ZFPM2: variants seen among roughly 807,000 people sequenced by gnomAD.
ZFPM2 encodes the protein zinc finger protein, FOG family member 2.
ZFPM2 carries 20 observed loss-of-function variants against 98.6 expected under a neutral mutation model. That is an observed-to-expected ratio of 0.20 (90% confidence interval 0.14 to 0.29). The LOEUF is 0.29. Ranked by LOEUF, ZFPM2 falls within the 10% of genes least tolerant of loss-of-function variation. ZFPM2 has a pLI of 1.00. For missense variants in ZFPM2, 1,310 were observed against 1,388.6 expected (o/e 0.94, Z 0.90); for synonymous variants, 518 against 502.7 (o/e 1.03, Z -0.41).
At chr8:105,647,989 C>T (rs1469440231) in intron 5 of ZFPM2, among the ~76,000 whole-genome samples, 3 of 152,142 alleles carry the variant, frequency 2.0e-5, no homozygotes, top group Non-Finnish European at 4.4e-5. Context: ...TTTAGAGTCC[C>T]ACCAACAGTG....
At chr8:105,600,044 T>A (rs1379562919) in intron 4 of ZFPM2, among the ~76,000 whole-genome samples, 1 of 152,116 alleles carries the variant, frequency 6.6e-6, no homozygotes, top group East Asian at 1.9e-4. Context: ...AAATATTGAT[T>A]TTCATTTTAT....
Position 105,802,838 on chromosome 8 carries a change from A to T in ZFPM2, c.2756A>T (p.Asn919Ile). ...AGAAGCATAATAAAATGTGAGAAAA[A>T]TGGGAATTTGAAGCAGCCTTCCCCC... Reference protein sequence around the residue: ...YERSIIKCEKNGNLKQPSPNG... With the variant: ...YERSIIKCEKIGNLKQPSPNG... Residue 919 changes from asparagine (N) to isoleucine (I), a missense_variant, in exon 8 of 8, where the codon AAT becomes ATT. Asn to Ile is a moderately radical substitution (Grantham distance 149, BLOSUM62 -3). Coordinates refer to ENST00000407775, the MANE Select transcript of ZFPM2 (RefSeq NM_012082.4). 1 of 1,613,758 alleles carries T rather than the reference A, an allele frequency of 6.2e-7. No homozygotes were observed. The highest frequency in any genetic ancestry group is 8.5e-7 in the Non-Finnish European group (1 of 1,179,832).
intron 5 of ZFPM2, among the ~76,000 whole-genome samples, chr8:105,731,447 C>A (rs902933645): frequency 6.6e-6 from 1 of 151,528 alleles, no homozygotes; most frequent in Non-Finnish European, 1.5e-5. Context: ...AGAAATATTG[C>A]ATTGAATTGA....
chr8:105,409,163 G>C (rs1057089409), intron 1 of ZFPM2, among the ~76,000 whole-genome samples: 1 of 151,792 alleles, frequency 6.6e-6, no homozygotes, highest in African/African-American at 2.4e-5. Context: ...CCTCAAAAGA[G>C]GGGATGAAGA....
intron 5 of ZFPM2, among the ~76,000 whole-genome samples, chr8:105,697,356 C>G (rs1811043927): frequency 6.6e-6 from 1 of 152,164 alleles, no homozygotes; most frequent in Admixed American, 6.5e-5. Flanking sequence ...CTTTACTGAA[C>G]TAACAATTTC....
intron 5 of ZFPM2, among the ~76,000 whole-genome samples, chr8:105,675,293 C>G (rs1021517302): frequency 6.6e-6 from 1 of 152,054 alleles, no homozygotes; most frequent in Non-Finnish European, 1.5e-5. Context: ...CTTGTGCACC[C>G]AAGCCATTAG....
At chr8:105,590,925 G>T (rs1815829390) in intron 4 of ZFPM2, among the ~76,000 whole-genome samples, 2 of 152,088 alleles carry the variant, frequency 1.3e-5, no homozygotes. Flanking sequence ...TAGTAGTTTG[G>T]GACCTATCCA....
intron 4 of ZFPM2, among the ~76,000 whole-genome samples, chr8:105,608,587 T>G (rs868064829): frequency 1.1e-4 from 16 of 150,514 alleles, no homozygotes; most frequent in African/African-American, 3.4e-4. Context: ...AGAGTTTTTT[T>G]TTTTTTTTTT....
chr8:105,530,831 G>A (rs1180418995), intron 3 of ZFPM2, among the ~76,000 whole-genome samples: 5 of 152,152 alleles, frequency 3.3e-5, no homozygotes, highest in African/African-American at 1.2e-4. Flanking sequence ...AATGCAAGAT[G>A]CTGGACTAGG....
At chr8:105,332,367 A>G (rs1812249225) in intron 1 of ZFPM2, among the ~76,000 whole-genome samples, 1 of 151,768 alleles carries the variant, frequency 6.6e-6, no homozygotes, top group African/African-American at 2.4e-5. Flanking sequence ...CTAGAAAAAT[A>G]CCAGGCACAT....
At position 105,724,570 on chromosome 8, in the gene ZFPM2, G is replaced by T. The variant is rs996996537; in HGVS notation, c.533-64148G>T. On this transcript the variant is annotated intron_variant, in intron 5 of 7. Coordinates refer to ENST00000407775, the MANE Select transcript of ZFPM2 (RefSeq NM_012082.4). ...ACATGGAGATGATTAGCATCACATG[G>T]CATTTTAAGCAGATACTACCAACAC... Among the ~76,000 whole-genome samples the T allele has an allele frequency of 4.6e-5, 7 of 151,938 alleles. No homozygotes were observed. The East Asian group carries it at 7.8e-4, about 17-fold the overall frequency.
chr8:105,694,088 A>G (rs1810958813), intron 5 of ZFPM2, among the ~76,000 whole-genome samples: 1 of 144,604 alleles, frequency 6.9e-6, no homozygotes, highest in Non-Finnish European at 1.5e-5. Flanking sequence ...TCGGGTTCAC[A>G]CCATTCTCCT....
intron 5 of ZFPM2, among the ~76,000 whole-genome samples, chr8:105,674,902 G>GCAC (rs1389866750): frequency 1.3e-5 from 2 of 152,202 alleles, no homozygotes; most frequent in Admixed American, 6.6e-5. Context: ...ATAGATCTAG[G>GCAC]CACCAGAAAG....
intron 3 of ZFPM2, among the ~76,000 whole-genome samples, chr8:105,482,532 A>C (rs1406655368): frequency 6.6e-6 from 1 of 151,968 alleles, no homozygotes; most frequent in Non-Finnish European, 1.5e-5. Context: ...CTTTTATGTC[A>C]ACTTTTAAAA....
At chr8:105,562,357 T>TAAAA (rs3049317) in intron 4 of ZFPM2, among the ~76,000 whole-genome samples, 38 of 143,354 alleles carry the variant, frequency 2.7e-4, no homozygotes, top group African/African-American at 9.2e-4. Context: ...AATAAATAAA[T>TAAAA]GGAAAGGTAG....
intron 5 of ZFPM2, among the ~76,000 whole-genome samples, chr8:105,773,249 G>A (rs1452824572): frequency 3.9e-5 from 6 of 152,086 alleles, no homozygotes; most frequent in Non-Finnish European, 7.4e-5. Flanking sequence ...GAAGGAAAGG[G>A]CATCTATGTA....
At chr8:105,673,204 T>TG (rs1817628255) in intron 5 of ZFPM2, among the ~76,000 whole-genome samples, 1 of 148,166 alleles carries the variant, frequency 6.7e-6, no homozygotes. Flanking sequence ...TTTTTTTTTT[T>TG]TTTACCGATC....
Position 105,798,472 on chromosome 8 carries a change from C to A in ZFPM2, c.740-252C>A, listed in dbSNP as rs548658455. 2.4e-4 allele frequency: 93 copies of A among 381,980 alleles called. 1 individual carries two copies. Among genetic ancestry groups the A allele is most frequent in the Non-Finnish European group, 3.5e-4 (74 of 211,468 alleles). The allele number at this position is 381,980 out of a possible 1,614,324, so 23.7% of individuals were successfully genotyped here. A position where few individuals can be genotyped will look rare whatever the true frequency, so the allele number is the denominator to read the frequency against. ...CGCAAAAAATAAAATAAAATAAAATCAATATCTTGTGTTTTAAATGTTGGA... is the reference window on the plus strand; with the variant it reads ...CGCAAAAAATAAAATAAAATAAAATAAATATCTTGTGTTTTAAATGTTGGA... On this transcript the variant is annotated intron_variant, in intron 6 of 7. Coordinates refer to ENST00000407775, the MANE Select transcript of ZFPM2 (RefSeq NM_012082.4).
chr8:105,551,181 G>A (rs921658755), intron 3 of ZFPM2, among the ~76,000 whole-genome samples: 41 of 152,142 alleles, frequency 2.7e-4, no homozygotes, highest in African/African-American at 9.4e-4. Flanking sequence ...GTTTATTGAA[G>A]ATGCCACACT....
Sources: allele counts gnomAD v4.1 joint callset (sites outside exome capture counted in the v4.1 genomes callset), GRCh38; gene constraint gnomAD v4.1.1; transcripts MANE v1.5; gene names NCBI Gene and HGNC (gene_info 2026-07-23, HGNC 2026-07-21).